The following PITPNB variants were observed in gnomAD, a reference collection of about 807,000 sequenced individuals.
The protein encoded by PITPNB is phosphatidylinositol transfer protein beta.
PITPNB carries 16 observed loss-of-function variants against 45.9 expected under a neutral mutation model. The observed-to-expected ratio is 0.35, with a 90% CI of 0.24 to 0.53. PITPNB has a LOEUF of 0.53. Among genes scored for constraint, PITPNB ranks in the 20% least tolerant of loss-of-function variants. The pLI is 0.93. For missense variants in PITPNB, 188 were observed against 330.5 expected (o/e 0.57, Z 3.34); for synonymous variants, 112 against 108.9 (o/e 1.03, Z -0.18).
intron 7 of PITPNB, among the ~76,000 whole-genome samples, chr22:27,881,369 A>T (rs970559870): frequency 3.3e-5 from 5 of 152,210 alleles, no homozygotes; most frequent in African/African-American, 1.2e-4. Context: ...GAGCTGGGTC[A>T]CAATTCTCAT....
At chr22:27,863,515 T>C (rs566397809) in intron 8 of PITPNB, among the ~76,000 whole-genome samples, 52 of 152,326 alleles carry the variant, frequency 3.4e-4, no homozygotes, top group African/African-American at 1.2e-3. Context: ...TATGACTGAG[T>C]ACCCCACCAA....
rs1179163569 is a variant in PITPNB at position 27,862,381 on chromosome 22, C to T, written c.535-2140G>A. Among the ~76,000 whole-genome samples, 7 of 152,046 alleles carry T rather than the reference C, an allele frequency of 4.6e-5. No homozygotes were observed. The South Asian group carries it at 6.2e-4, about 14-fold the overall frequency. Reference sequence around the variant, plus strand: ...AATTATTATCTTGGTATTATTAATGCGACTGAATGTTCTATAGAGTCCTAC... The same window carrying T: ...AATTATTATCTTGGTATTATTAATGTGACTGAATGTTCTATAGAGTCCTAC... On this transcript the variant is annotated intron_variant, in intron 8 of 11. Transcript: ENST00000335272.
chr22:27,898,458 C>T (rs932468008), intron 3 of PITPNB, among the ~76,000 whole-genome samples: 97 of 148,586 alleles, frequency 6.5e-4, no homozygotes, highest in Non-Finnish European at 9.7e-4. Flanking sequence ...GCAATTATTT[C>T]TTAAGAACTT....
chr22:27,892,670 A>G (rs1346544068), intron 7 of PITPNB, among the ~76,000 whole-genome samples: 1 of 152,232 alleles, frequency 6.6e-6, no homozygotes, highest in African/African-American at 2.4e-5. Flanking sequence ...TTAGCTGTAA[A>G]CAATACCAAG....
chr22:27,897,649 G>A (rs1935473868), intron 4 of PITPNB, 152 bp downstream of exon 4: 1 of 632,140 alleles, frequency 1.6e-6, no homozygotes, highest in Admixed American at 2.6e-5. Context: ...GGAACCCAAT[G>A]CAGCCCTTCC....
chr22:27,870,713 T>C (rs958028298), intron 8 of PITPNB, among the ~76,000 whole-genome samples: 3 of 152,318 alleles, frequency 2.0e-5, no homozygotes, highest in Non-Finnish European at 4.4e-5. Context: ...ACCAGGACAG[T>C]AATTGGCAAA....
chr22:27,881,619 C>A (rs895754072), intron 7 of PITPNB, among the ~76,000 whole-genome samples: 2 of 152,194 alleles, frequency 1.3e-5, no homozygotes, highest in African/African-American at 4.8e-5. Context: ...TAAACAAAAG[C>A]TCTTTTCAGG....
At chr22:27,864,175 A>AT (rs1250296119) in intron 8 of PITPNB, among the ~76,000 whole-genome samples, 1 of 152,216 alleles carries the variant, frequency 6.6e-6, no homozygotes, top group Non-Finnish European at 1.5e-5. Flanking sequence ...AATCATTATT[A>AT]TTATTAATGT....
chr22:27,855,215 C>T (rs1934137154), intron 10 of PITPNB, among the ~76,000 whole-genome samples: 5 of 152,192 alleles, frequency 3.3e-5, no homozygotes, highest in African/African-American at 1.2e-4. Context: ...AATGGGTAAA[C>T]AAATTGTTTG....
At chr22:27,884,156 C>G (rs938271745) in intron 7 of PITPNB, among the ~76,000 whole-genome samples, 9 of 152,086 alleles carry the variant, frequency 5.9e-5, no homozygotes, top group African/African-American at 1.9e-4. Flanking sequence ...GGAAGGCTGG[C>G]TGCCTGGGGC....
chr22:27,886,446 C>T (rs1691514959), intron 7 of PITPNB, among the ~76,000 whole-genome samples: 1 of 152,170 alleles, frequency 6.6e-6, no homozygotes, highest in African/African-American at 2.4e-5. Context: ...AAAACAAATC[C>T]TTGTTCCTAG....
rs188120965 is a variant in PITPNB, at chr22:27,872,181, C to A, written c.534+1557G>T. On this transcript the variant is annotated intron_variant, in intron 8 of 11. Coordinates refer to ENST00000335272, the MANE Select transcript of PITPNB (RefSeq NM_012399.5). ...CAATCTTAGCTCACTGCAACCTCTA[C>A]CTCCCGGGTTCAAGTGATTCTCCTG... Among the ~76,000 whole-genome samples, 128 of 143,590 alleles carry A rather than the reference C, an allele frequency of 8.9e-4. 1 individual carries two copies. Among genetic ancestry groups the A allele is most frequent in the African/African-American group, 3.0e-3 (117 of 39,534 alleles). The allele number at this position is 143,590 out of a possible 152,430, so 94.2% of individuals were successfully genotyped here.
Position 27,852,609 on chromosome 22 carries a change from T to C in PITPNB, c.*1093A>G, listed in dbSNP as rs12169133. The stretch of plus-strand genomic sequence containing the variant: ...TAAACTGTTCCTATCTCAAAGTCAC[T>C]ATCTCCTCCTTGAAGTGTGTGTTCC... On this transcript the variant is annotated 3_prime_UTR_variant, in exon 12 of 12. Coordinates refer to ENST00000335272, the MANE Select transcript of PITPNB (RefSeq NM_012399.5). 0.048 allele frequency: 7,326 copies of C among 152,264 alleles called. 289 individuals carry two copies. Among genetic ancestry groups the C allele is most frequent in the South Asian group, 0.11 (553 of 4,822 alleles). 9.4% of individuals were successfully genotyped at this position (152,264 alleles called of 1,614,324 possible).
chr22:27,859,873 A>C (rs1934272529), intron 9 of PITPNB, among the ~76,000 whole-genome samples: 1 of 152,196 alleles, frequency 6.6e-6, no homozygotes, highest in South Asian at 2.1e-4. Context: ...TCTCTACAGA[A>C]GCGCTGGGCA....
chr22:27,876,801 GC>G (rs1461918109), intron 7 of PITPNB, among the ~76,000 whole-genome samples: 2 of 152,214 alleles, frequency 1.3e-5, no homozygotes, highest in Non-Finnish European at 2.9e-5. Context: ...AATTATAGCT[GC>G]AAATGAGCAA....
At chr22:27,911,145 A>G in intron 2 of PITPNB, 36 bp from the exon 3 acceptor site, 2 of 1,544,904 alleles carry the variant, frequency 1.3e-6, no homozygotes, top group Non-Finnish European at 1.8e-6. Flanking sequence ...TGAGTAAGTC[A>G]GTAGTAACTG....
intron 3 of PITPNB, among the ~76,000 whole-genome samples, chr22:27,906,969 A>C (rs1478095986): frequency 6.6e-6 from 1 of 152,210 alleles, no homozygotes; most frequent in African/African-American, 2.4e-5. Flanking sequence ...CATACAGGTC[A>C]GGGAATCCAG....
At chr22:27,854,667 C>G (rs1427855098) in intron 11 of PITPNB, among the ~76,000 whole-genome samples, 187 bp downstream of exon 11, 2 of 152,202 alleles carry the variant, frequency 1.3e-5, no homozygotes, top group Non-Finnish European at 2.9e-5. Context: ...TAAATTCAAC[C>G]TGGTCCACAG....
intron 10 of PITPNB, 55 bp downstream of exon 10, chr22:27,858,332 A>G: frequency 1.4e-6 from 2 of 1,386,742 alleles, no homozygotes; most frequent in South Asian, 2.5e-5. Context: ...CCAAGCATGT[A>G]TACAGTTTTA....
Sources: allele counts gnomAD v4.1 joint callset (sites outside exome capture counted in the v4.1 genomes callset), GRCh38; gene constraint gnomAD v4.1.1; transcripts MANE v1.5; gene names NCBI Gene and HGNC (gene_info 2026-07-23, HGNC 2026-07-21).